CSMD1: variants seen among roughly 807,000 people sequenced by gnomAD.
CSMD1 encodes CUB and sushi domain-containing protein 1.
CSMD1 carries 213 observed loss-of-function variants against 417.5 expected under a neutral mutation model. That is an observed-to-expected ratio of 0.51 (90% CI 0.46 to 0.57). The LOEUF (loss-of-function observed/expected upper bound fraction) is 0.57. Among genes scored for constraint, CSMD1 ranks in the 20% least tolerant of loss-of-function variants. CSMD1 has a pLI of 0.00. For missense variants in CSMD1, 6,923 were observed against 4,529.7 expected, an observed-to-expected ratio of 1.53 and a Z score of -15.17; for synonymous variants, 2,862 against 1,736.8, an observed-to-expected ratio of 1.65 and a Z score of -16.11.
At chr8:3,382,153 G>A (rs1476336726) in intron 18 of CSMD1, among the ~76,000 whole-genome samples, 9 of 151,924 alleles carry the variant, frequency 5.9e-5, no homozygotes, top group Non-Finnish European at 8.8e-5. Flanking sequence ...CGGCTGCTCG[G>A]GAGGCTGAGG....
chr8:3,824,413 G>A (rs998045335), intron 5 of CSMD1, among the ~76,000 whole-genome samples: 1 of 152,172 alleles, frequency 6.6e-6, no homozygotes, highest in Non-Finnish European at 1.5e-5. Context: ...CAATGGGAAA[G>A]ATGAATAGAC....
At chr8:4,223,433 A>C (rs1263180914) in intron 3 of CSMD1, among the ~76,000 whole-genome samples, 1 of 152,248 alleles carries the variant, frequency 6.6e-6, no homozygotes, top group Non-Finnish European at 1.5e-5. Context: ...GGGATACGTG[A>C]CGAATAGGCT....
chr8:3,486,772 C>T (rs1434974923), intron 11 of CSMD1, among the ~76,000 whole-genome samples: 2 of 152,218 alleles, frequency 1.3e-5, no homozygotes, highest in African/African-American at 4.8e-5. Context: ...CCTGACTCTG[C>T]TGGCTTTCCC....
At chr8:3,281,169 G>A (rs1438635578) in intron 26 of CSMD1, among the ~76,000 whole-genome samples, 3 of 152,140 alleles carry the variant, frequency 2.0e-5, no homozygotes, top group African/African-American at 4.8e-5. Context: ...CAGGCTGGGC[G>A]AGGTGGCTCA....
intron 3 of CSMD1, among the ~76,000 whole-genome samples, chr8:4,365,406 A>G (rs1391466048): frequency 6.6e-6 from 1 of 152,158 alleles, no homozygotes. Context: ...TTAAATGTTA[A>G]TTTTGCCTAA....
rs1169533973 is a variant in CSMD1, at chr8:4,470,071, C to T, written c.303-50006G>A. 3.3e-5 allele frequency among the ~76,000 whole-genome samples: 5 copies of T among 151,938 alleles called. No homozygotes were observed. In the South Asian group the frequency reaches 6.2e-4, roughly 19 times the overall value. ...ATTTTTAGTAGAGATGGGGTTTCAC[C>T]GTGTTAGCCAGGATGGTCTCGATCT... On this transcript the variant is annotated intron_variant, in intron 2 of 69. Coordinates refer to ENST00000635120, the MANE Select transcript of CSMD1 (RefSeq NM_033225.6).
At chr8:3,851,164 A>G (rs1238288246) in intron 5 of CSMD1, among the ~76,000 whole-genome samples, 2 of 152,206 alleles carry the variant, frequency 1.3e-5, no homozygotes, top group Non-Finnish European at 2.9e-5. Flanking sequence ...GTGACAGGAT[A>G]TATTATGATA....
chr8:4,124,161 G>A (rs926647442), intron 3 of CSMD1, among the ~76,000 whole-genome samples: 4 of 152,290 alleles, frequency 2.6e-5, no homozygotes, highest in East Asian at 1.9e-4. Context: ...AACAGTCTGC[G>A]GAGGCGCAGG....
At chr8:3,235,029 G>C (rs895195983) in intron 26 of CSMD1, among the ~76,000 whole-genome samples, 8 of 152,076 alleles carry the variant, frequency 5.3e-5, no homozygotes, top group Non-Finnish European at 1.2e-4. Context: ...CCTCAAGCAA[G>C]TGGTGACATG....
chr8:3,635,483 C>CTTT (rs562990317), intron 7 of CSMD1, among the ~76,000 whole-genome samples: 2 of 125,904 alleles, frequency 1.6e-5, no homozygotes, highest in African/African-American at 6.1e-5. Flanking sequence ...GACTCCATCT[C>CTTT]TTTTTTTTTT....
chr8:4,718,524 A>C, intron 1 of CSMD1, among the ~76,000 whole-genome samples: 1 of 152,114 alleles, frequency 6.6e-6, no homozygotes, highest in Non-Finnish European at 1.5e-5. Flanking sequence ...AATATTTTAC[A>C]TTAAGTACTA....
chr8:3,935,154 C>G (rs1810398704), intron 5 of CSMD1, among the ~76,000 whole-genome samples: 1 of 152,060 alleles, frequency 6.6e-6, no homozygotes, highest in South Asian at 2.1e-4. Flanking sequence ...TTTTAAGAAG[C>G]AAGAATATGG....
intron 1 of CSMD1, among the ~76,000 whole-genome samples, chr8:4,682,825 C>T (rs1346270154): frequency 3.3e-5 from 5 of 150,916 alleles, no homozygotes; most frequent in Admixed American, 6.6e-5. Flanking sequence ...TCACATTAAA[C>T]TAAATACACT....
chr8:3,662,690 G>A (rs1204252793), intron 7 of CSMD1, among the ~76,000 whole-genome samples: 2 of 151,986 alleles, frequency 1.3e-5, no homozygotes, highest in African/African-American at 4.8e-5. Flanking sequence ...TCCTTTGCAG[G>A]GACATGGATG....
At chr8:4,164,241 GAA>G (rs1243116921) in intron 3 of CSMD1, among the ~76,000 whole-genome samples, 1 of 151,686 alleles carries the variant, frequency 6.6e-6, no homozygotes, top group African/African-American at 2.4e-5. Context: ...ACAAAAGTTA[GAA>G]AAAAACAAAA....
intron 5 of CSMD1, among the ~76,000 whole-genome samples, chr8:3,961,648 G>T (rs1168733089): frequency 2.6e-5 from 4 of 152,042 alleles, no homozygotes; most frequent in African/African-American, 9.7e-5. Flanking sequence ...TAACATTCTT[G>T]ATAATAAACA....
chr8:4,088,175 G>T (rs568706450), intron 3 of CSMD1, among the ~76,000 whole-genome samples: 16 of 152,246 alleles, frequency 1.1e-4, no homozygotes, highest in Admixed American at 8.5e-4. Context: ...TATTCTTCCC[G>T]TTGTTTTTAA....
At chr8:4,420,334 C>T (rs1043273411) in intron 2 of CSMD1, among the ~76,000 whole-genome samples, 1 of 151,640 alleles carries the variant, frequency 6.6e-6, no homozygotes, top group Non-Finnish European at 1.5e-5. Flanking sequence ...CTTAAATGCT[C>T]CTCGTTTTTG....
chr8:3,949,569 C>G (rs1350023720), intron 5 of CSMD1, among the ~76,000 whole-genome samples: 2 of 151,992 alleles, frequency 1.3e-5, no homozygotes, highest in African/African-American at 2.4e-5. Flanking sequence ...TTTTGGGGTT[C>G]TTTTGTGTGG....
Sources: gnomAD v4.1 joint callset for allele counts (sites outside exome capture counted in the v4.1 genomes callset) on GRCh38, gnomAD v4.1.1 for gene constraint, MANE v1.5 for transcripts, NCBI Gene and HGNC (gene_info 2026-07-23, HGNC 2026-07-21) for gene names.